Variants in ADAM12 observed in about 807,000 individuals in gnomAD.
The protein encoded by ADAM12 is ADAM metallopeptidase domain 12, also known as disintegrin and metalloproteinase domain-containing protein 12.
ADAM12 carries 70 observed loss-of-function variants against 106.4 expected under a neutral mutation model. The observed-to-expected ratio is 0.66, with a 90% CI of 0.54 to 0.80. The LOEUF (loss-of-function observed/expected upper bound fraction) is 0.80. ADAM12 is among the 30% of genes least tolerant of loss of function. ADAM12 has a pLI of 0.00. For missense variants in ADAM12, 1,010 were observed against 1,171.9 expected (o/e 0.86, Z 2.02); for synonymous variants, 420 against 433.5 (o/e 0.97, Z 0.39).
intron 2 of ADAM12, among the ~76,000 whole-genome samples, chr10:126,315,945 C>A (rs1350994468): frequency 6.6e-6 from 1 of 152,210 alleles, no homozygotes; most frequent in African/African-American, 2.4e-5. Context: ...ATGAGATTTG[C>A]CTGTGTCAAG....
chr10:126,155,470 G>A (rs145175559), intron 3 of ADAM12, among the ~76,000 whole-genome samples, 165 bp from the exon 4 acceptor site: 195 of 151,750 alleles, frequency 1.3e-3, no homozygotes, highest in African/African-American at 3.8e-3. Context: ...TAGGTTCTCC[G>A]GGGAGAATTC....
At chr10:126,023,078 CTG>C (rs1953800090) in intron 21 of ADAM12, among the ~76,000 whole-genome samples, 3 of 152,266 alleles carry the variant, frequency 2.0e-5, no homozygotes, top group Admixed American at 2.0e-4. Flanking sequence ...TGCAGGAAGA[CTG>C]GAATTCATCA....
At chr10:126,021,189 C>A (rs376259323) in intron 21 of ADAM12, among the ~76,000 whole-genome samples, 16 of 152,032 alleles carry the variant, frequency 1.1e-4, no homozygotes, top group African/African-American at 3.1e-4. Flanking sequence ...CTCATGAATG[C>A]ACAGAATGTC....
chr10:126,371,280 A>T (rs1329149304), intron 1 of ADAM12, among the ~76,000 whole-genome samples: 1 of 152,256 alleles, frequency 6.6e-6, no homozygotes, highest in Non-Finnish European at 1.5e-5. Flanking sequence ...CTATGAAGAA[A>T]GAGCAATTAC....
intron 3 of ADAM12, among the ~76,000 whole-genome samples, chr10:126,165,036 T>C (rs1471086193): frequency 5.3e-5 from 8 of 152,342 alleles, no homozygotes; most frequent in Admixed American, 2.6e-4. Flanking sequence ...AAAGAACTCA[T>C]GGTCTGGGTT....
intron 1 of ADAM12, among the ~76,000 whole-genome samples, chr10:126,353,929 T>G (rs565233036): frequency 1.3e-5 from 2 of 152,240 alleles, no homozygotes; most frequent in South Asian, 4.2e-4. Context: ...GTCTTAATCC[T>G]GGCCAGGGGA....
rs1355073299 is a variant in ADAM12, at chr10:126,388,124, C to T, written c.22G>A (p.Val8Met). The change falls in exon 1 of 23, where the codon GTG becomes ATG. Residue 8 changes from valine to methionine, a missense_variant. Val to Met is a conservative substitution (Grantham distance 21). Transcript: ENST00000448723. The surrounding 1 kb of genome is among the most constrained non-coding windows in gnomAD (Gnocchi z 4.4). Reference protein sequence around the residue: MAARPLPVSPARALLLAL... With the variant: MAARPLPMSPARALLLAL... ...AGCAGGAGGGCGCGGGCGGGGGACA[C>T]GGGCAGCGGGCGCGCTGCCATCGTC... is the stretch of plus-strand genomic sequence containing the variant. 3.3e-6 allele frequency: 4 copies of T among 1,219,290 alleles called. No individual in the cohort carries two copies. Among genetic ancestry groups the T allele is most frequent in the Non-Finnish European group, 4.1e-6 (4 of 979,770 alleles). 75.5% of individuals were successfully genotyped at this position (1,219,290 alleles called of 1,614,324 possible).
rs150640005 is a variant in ADAM12, at chr10:126,141,646, G to A, written c.340-5986C>T. On this transcript the variant is annotated intron_variant, in intron 4 of 22. Coordinates refer to ENST00000448723, the MANE Select transcript of ADAM12 (RefSeq NM_001288973.2). Reference sequence around the variant, plus strand: ...GAAAATTGGTAGCCCTCAACTCTACGCCATGTGGGAAGTAAAATCAAACGT... The same window carrying A: ...GAAAATTGGTAGCCCTCAACTCTACACCATGTGGGAAGTAAAATCAAACGT... Among the ~76,000 whole-genome samples, 206 of 152,264 alleles carry A rather than the reference G, an allele frequency of 1.4e-3. No individual in the cohort carries two copies. In the East Asian group the frequency reaches 0.021, roughly 16 times the overall value.
intron 4 of ADAM12, among the ~76,000 whole-genome samples, chr10:126,137,625 T>C (rs1956429925): frequency 6.6e-6 from 1 of 152,226 alleles, no homozygotes; most frequent in African/African-American, 2.4e-5. Context: ...TTTATAGAAA[T>C]GGAATCATAC....
intron 2 of ADAM12, among the ~76,000 whole-genome samples, chr10:126,305,541 T>C (rs993157543): frequency 8.5e-5 from 13 of 152,096 alleles, no homozygotes; most frequent in Non-Finnish European, 1.3e-4. Flanking sequence ...GAGGGAAATA[T>C]TTAATGTCTT....
intron 3 of ADAM12, among the ~76,000 whole-genome samples, chr10:126,188,737 A>G (rs546435271): frequency 6.6e-6 from 1 of 152,118 alleles, no homozygotes; most frequent in African/African-American, 2.4e-5. Context: ...CATTTTAACT[A>G]TTACAATTAA....
intron 4 of ADAM12, among the ~76,000 whole-genome samples, chr10:126,150,525 C>T (rs374252596): frequency 6.6e-6 from 1 of 152,154 alleles, no homozygotes; most frequent in African/African-American, 2.4e-5. Context: ...ATTGCCCATC[C>T]AATGGCCTAA....
At chr10:126,314,006 G>A (rs145676200) in intron 2 of ADAM12, among the ~76,000 whole-genome samples, 296 of 152,068 alleles carry the variant, frequency 1.9e-3, no homozygotes, top group Non-Finnish European at 3.5e-3. Flanking sequence ...TAGATGGGGT[G>A]CTGTAGGCAC....
chr10:126,316,373 A>G (rs1853872242), intron 2 of ADAM12, among the ~76,000 whole-genome samples: 1 of 152,168 alleles, frequency 6.6e-6, no homozygotes, highest in Non-Finnish European at 1.5e-5. Flanking sequence ...TTCCCCCTCA[A>G]AAGTGTTAAG....
chr10:126,206,504 C>A (rs1011444472), intron 3 of ADAM12, among the ~76,000 whole-genome samples: 3 of 152,128 alleles, frequency 2.0e-5, no homozygotes, highest in Non-Finnish European at 2.9e-5. Context: ...CAAAGAGAAA[C>A]CCCCAGTCTG....
intron 16 of ADAM12, among the ~76,000 whole-genome samples, chr10:126,047,568 T>C (rs1954360637): frequency 6.6e-6 from 1 of 152,138 alleles, no homozygotes; most frequent in African/African-American, 2.4e-5. Context: ...CAGATGCACC[T>C]GGCCCTGGCT....
intron 2 of ADAM12, among the ~76,000 whole-genome samples, chr10:126,292,964 T>C (rs1442099230): frequency 6.6e-6 from 1 of 152,228 alleles, no homozygotes; most frequent in Non-Finnish European, 1.5e-5. Flanking sequence ...CCAATTCAGA[T>C]GATCTGGGTG....
chr10:126,153,025 G>A (rs1956755796), intron 4 of ADAM12, among the ~76,000 whole-genome samples: 1 of 152,094 alleles, frequency 6.6e-6, no homozygotes, highest in Non-Finnish European at 1.5e-5. Flanking sequence ...GTTTACTAGT[G>A]CCTCTGACTT....
At chr10:126,293,977 C>T (rs898782409) in intron 2 of ADAM12, among the ~76,000 whole-genome samples, 20 of 152,168 alleles carry the variant, frequency 1.3e-4, no homozygotes, top group Admixed American at 1.3e-3. Flanking sequence ...CACTGTCTAC[C>T]CACTGGGCTT....
Sources: allele counts gnomAD v4.1 joint callset (sites outside exome capture counted in the v4.1 genomes callset), GRCh38; gene constraint gnomAD v4.1.1; non-coding constraint Gnocchi (gnomAD v3.1); transcripts MANE v1.5; gene names NCBI Gene and HGNC (gene_info 2026-07-23, HGNC 2026-07-21).